The following NOVA1 variants were observed in gnomAD, a reference collection of about 807,000 sequenced individuals.
NOVA1 encodes the protein RNA-binding protein Nova-1.
NOVA1 carries 7 observed loss-of-function variants against 38.0 expected under a neutral mutation model. That is an observed-to-expected ratio of 0.18 (90% CI 0.10 to 0.35). NOVA1 has a LOEUF of 0.35. NOVA1 is among the 10% of genes least tolerant of loss of function. The pLI is 1.00. For missense variants in NOVA1, 460 were observed against 616.0 expected (o/e 0.75, Z 2.68); for synonymous variants, 270 against 232.5 (o/e 1.16, Z -1.47).
At chr14:26,496,983 T>C (rs985656525) in intron 2 of NOVA1, among the ~76,000 whole-genome samples, 5 of 152,220 alleles carry the variant, frequency 3.3e-5, no homozygotes, top group Non-Finnish European at 5.9e-5. Flanking sequence ...GCGGGCTCTT[T>C]TTTGGTTCCA....
intron 4 of NOVA1, among the ~76,000 whole-genome samples, chr14:26,468,388 A>G (rs113015404): frequency 1.3e-5 from 2 of 152,230 alleles, no homozygotes; most frequent in African/African-American, 2.4e-5. Context: ...AGTCAAACCT[A>G]CAGGTGAGAA....
At chr14:26,519,238 G>C (rs1888697666) in intron 2 of NOVA1, 3 of 151,974 alleles carry the variant, frequency 2.0e-5, no homozygotes, top group African/African-American at 4.8e-5. Context: ...AATGTATTAA[G>C]TTACACTCAC....
chr14:26,597,703 G>A lies in NOVA1; in HGVS notation c.-267C>T. ...AATGGAGGGGGTGTGAGAGACGGAG[G>A]GTGAAAGAAGAAGAAGAAAGGAGAC... is the stretch of plus-strand genomic sequence containing the variant. On this transcript the variant is annotated 5_prime_UTR_variant, in exon 1 of 5. Transcript: ENST00000539517. 1 of 1,145,692 alleles carries A rather than the reference G, an allele frequency of 8.7e-7. No homozygotes were observed. The highest frequency in any genetic ancestry group is 1.1e-6 in the Non-Finnish European group (1 of 936,106). The allele number at this position is 1,145,692 out of a possible 1,614,324, so 71.0% of individuals were successfully genotyped here. A position where few individuals can be genotyped will look rare whatever the true frequency, so the allele number is the denominator to read the frequency against.
rs764586575 is a variant in NOVA1 at position 26,527,512 on chromosome 14, TA to T, written c.281-47370del. Among the ~76,000 whole-genome samples, 203 of 131,832 alleles carry T rather than the reference TA, an allele frequency of 1.5e-3. 1 individual carries two copies. Among genetic ancestry groups the T allele is most frequent in the South Asian group, 2.7e-3 (11 of 4,146 alleles). The allele number at this position is 131,832 out of a possible 152,430, so 86.5% of individuals were successfully genotyped here. A position where few individuals can be genotyped will look rare whatever the true frequency, so the allele number is the denominator to read the frequency against. ...CCAAAAACAAAACAAAACAAACAAA[TA>T]AAAAAAAAAAAACCTTAGTGATTCT... On this transcript the variant is annotated intron_variant, in intron 2 of 4. Coordinates refer to ENST00000539517, the MANE Select transcript of NOVA1 (RefSeq NM_002515.3).
intron 4 of NOVA1, among the ~76,000 whole-genome samples, chr14:26,455,038 G>C (rs144178307): frequency 1.3e-5 from 2 of 152,112 alleles, no homozygotes; most frequent in Non-Finnish European, 2.9e-5. Flanking sequence ...GATAAAATAT[G>C]TACAACAGAT....
intron 2 of NOVA1, among the ~76,000 whole-genome samples, chr14:26,502,894 C>A (rs1385403447): frequency 6.6e-6 from 1 of 151,934 alleles, no homozygotes; most frequent in African/African-American, 2.4e-5. Context: ...TAAGATAAAT[C>A]TTTTATTTCT....
chr14:26,466,798 C>T (rs1290813113), intron 4 of NOVA1, among the ~76,000 whole-genome samples: 2 of 152,146 alleles, frequency 1.3e-5, no homozygotes, highest in Non-Finnish European at 2.9e-5. Flanking sequence ...TTTCTCTCTT[C>T]TCCTCTTCTG....
At chr14:26,520,917 C>T (rs991842688) in intron 2 of NOVA1, among the ~76,000 whole-genome samples, 34 of 151,970 alleles carry the variant, frequency 2.2e-4, no homozygotes, top group South Asian at 6.2e-4. Flanking sequence ...CACTGTATAA[C>T]GCCATAATGT....
intron 3 of NOVA1, among the ~76,000 whole-genome samples, chr14:26,475,199 A>G (rs1481774270): frequency 6.6e-6 from 1 of 152,068 alleles, no homozygotes; most frequent in Non-Finnish European, 1.5e-5. Flanking sequence ...TATTATTATT[A>G]TCATCATTAT....
chr14:26,529,832 G>A (rs1228727979), intron 2 of NOVA1, among the ~76,000 whole-genome samples: 2 of 152,092 alleles, frequency 1.3e-5, no homozygotes, highest in Non-Finnish European at 2.9e-5. Flanking sequence ...TGTTTTTCAT[G>A]TTGTCCTTTT....
chr14:26,490,193 T>C (rs1886229974), intron 2 of NOVA1, among the ~76,000 whole-genome samples: 1 of 152,224 alleles, frequency 6.6e-6, no homozygotes, highest in South Asian at 2.1e-4. Flanking sequence ...ATTCATTCCC[T>C]TATTACAGCG....
chr14:26,453,197 TATG>T lies in NOVA1; in HGVS notation c.520-4237_520-4235del, dbSNP rs1566431793. On this transcript the variant is annotated intron_variant, in intron 4 of 4. Transcript: ENST00000539517. Reference sequence around the variant, plus strand: ...GTATGTATGTATGTATGTATGTATGTATGTATGTATGTATTTATTTATTTTTAG... The same window carrying T: ...GTATGTATGTATGTATGTATGTATGTTATGTATGTATTTATTTATTTTTAG... 6.6e-4 allele frequency among the ~76,000 whole-genome samples: 53 copies of T among 80,488 alleles called. 1 individual carries two copies. The East Asian group carries it at 0.029, about 45-fold the overall frequency. 52.8% of individuals were successfully genotyped at this position (80,488 alleles called of 152,430 possible). A position where few individuals can be genotyped will look rare whatever the true frequency, so the allele number is the denominator to read the frequency against.
At position 26,544,679 on chromosome 14, in the gene NOVA1, G is replaced by C. The variant is rs960205888; in HGVS notation, c.280+50731C>G. On this transcript the variant is annotated intron_variant, in intron 2 of 4. Transcript: ENST00000539517. ...TTAAAATGCCAGAGTGAGAAAAGAA[G>C]GAATGAAAGAATGAGAGAGAGAAAG... is the stretch of plus-strand genomic sequence containing the variant. Among the ~76,000 whole-genome samples the C allele has an allele frequency of 6.6e-5, 10 of 151,570 alleles. 1 individual carries two copies. Among genetic ancestry groups the C allele is most frequent in the Admixed American group, 6.6e-4 (10 of 15,206 alleles).
At chr14:26,461,520 A>G (rs1445266294) in intron 4 of NOVA1, among the ~76,000 whole-genome samples, 1 of 152,132 alleles carries the variant, frequency 6.6e-6, no homozygotes, top group Non-Finnish European at 1.5e-5. Context: ...TAGACTACCT[A>G]CACTACAGCA....
chr14:26,486,632 C>G (rs1309657327), intron 2 of NOVA1, among the ~76,000 whole-genome samples: 1 of 127,712 alleles, frequency 7.8e-6, no homozygotes, highest in African/African-American at 2.9e-5. Context: ...TGGCATGAAC[C>G]TGGGAGGCAG....
chr14:26,472,351 G>C lies in NOVA1; in HGVS notation c.488C>G (p.Ser163Cys). The change falls in exon 4 of 5, where the codon TCT becomes TGT. Residue 163 changes from serine to cysteine, a missense_variant. Physicochemically the swap from Ser to Cys is moderately radical, Grantham distance 112. Transcript: ENST00000539517. ...SSPTTTKSSP[S>C]DPMTTSRANQ... ...AGCTCTGGAGGTGGTCATGGGATCA[G>C]ATGGAGAGGACTTGGTGGTAGTTGG... The C allele has an allele frequency of 6.3e-7, 1 of 1,583,514 alleles. No homozygotes were observed. The highest frequency in any genetic ancestry group is 8.6e-7 in the Non-Finnish European group (1 of 1,162,098).
At chr14:26,518,374 T>C (rs1459761294) in intron 2 of NOVA1, among the ~76,000 whole-genome samples, 1 of 152,032 alleles carries the variant, frequency 6.6e-6, no homozygotes, top group East Asian at 1.9e-4. Flanking sequence ...TTGCCATTAT[T>C]ATTATAAATT....
chr14:26,474,404 G>T (rs1025558973), intron 3 of NOVA1, among the ~76,000 whole-genome samples: 5 of 151,900 alleles, frequency 3.3e-5, no homozygotes, highest in South Asian at 2.1e-4. Flanking sequence ...AAGTTTAATT[G>T]CAAATTGAAC....
At chr14:26,551,815 G>A (rs1891177601) in intron 2 of NOVA1, among the ~76,000 whole-genome samples, 1 of 151,632 alleles carries the variant, frequency 6.6e-6, no homozygotes, top group Non-Finnish European at 1.5e-5. Context: ...CTCCTTTTAG[G>A]TATTTTTCTG....
Sources: gnomAD v4.1 joint callset for allele counts (sites outside exome capture counted in the v4.1 genomes callset) on GRCh38, gnomAD v4.1.1 for gene constraint, MANE v1.5 for transcripts, NCBI Gene and HGNC (gene_info 2026-07-23, HGNC 2026-07-21) for gene names.